The following LPL variants were observed in gnomAD, a reference collection of about 807,000 sequenced individuals.
The protein encoded by LPL is lipoprotein lipase, also known as phospholipase A1.
LPL carries 43 observed loss-of-function variants against 52.2 expected under a neutral mutation model. That is an observed-to-expected ratio of 0.82 (90% CI 0.64 to 1.06). The LOEUF (loss-of-function observed/expected upper bound fraction) is 1.06. Among genes scored for constraint, LPL ranks in the 50% least tolerant of loss-of-function variants. LPL has a pLI of 0.00. For synonymous variants in LPL, 244 were observed against 215.6 expected (o/e 1.13, Z -1.15); for missense variants, 639 against 585.3 (o/e 1.09, Z -0.95).
At chr8:19,964,615 G>T (rs1016441844) in intron 9 of LPL, among the ~76,000 whole-genome samples, 2 of 152,010 alleles carry the variant, frequency 1.3e-5, no homozygotes, top group East Asian at 3.9e-4. Context: ...ATGCAACTCT[G>T]CCTCCCGGGT....
At chr8:19,943,483 TA>T (rs1359816971) in intron 1 of LPL, among the ~76,000 whole-genome samples, 1 of 152,200 alleles carries the variant, frequency 6.6e-6, no homozygotes, top group Admixed American at 6.5e-5. Flanking sequence ...CTCCCTCCAA[TA>T]AAACAATTGT....
At chr8:19,949,981 G>A (rs1275884175) in intron 2 of LPL, among the ~76,000 whole-genome samples, 1 of 152,182 alleles carries the variant, frequency 6.6e-6, no homozygotes, top group Non-Finnish European at 1.5e-5. Context: ...ATACTAAGAT[G>A]ACATGACCAA....
intron 1 of LPL, among the ~76,000 whole-genome samples, chr8:19,941,674 C>G (rs1219685577): frequency 6.6e-6 from 1 of 152,218 alleles, no homozygotes; most frequent in African/African-American, 2.4e-5. Flanking sequence ...CCCAATATAT[C>G]ATGCCTCTCC....
At position 19,939,770 on chromosome 8, in the gene LPL, C is replaced by A. The variant is rs550090154; in HGVS notation, c.88+242C>A. Among the ~76,000 whole-genome samples the A allele has an allele frequency of 3.3e-5, 5 of 152,328 alleles. No individual in the cohort carries two copies. Among genetic ancestry groups the A allele is most frequent in the Admixed American group, 3.3e-4 (5 of 15,308 alleles). ...CCGCTTTTTCTCTCTGCCGGGTTCC[C>A]GCGCTATCCCTTCCACTCTGGCTGG... On this transcript the variant is annotated intron_variant, in intron 1 of 9. Transcript: ENST00000650287. This position sits in a 1 kb window ranked among gnomAD's most constrained non-coding sequence, Gnocchi z 4.0.
In LPL at chr8:19,944,476, G is replaced by T. The variant is rs2069866815; in HGVS notation, c.89-3704G>T. The stretch of plus-strand genomic sequence containing the variant: ...GGGAGAGAGAGAGAAAGGGGTGGGG[G>T]GATAACAGGAGAACAGAAATTCCAA... On this transcript the variant is annotated intron_variant, in intron 1 of 9. Coordinates refer to ENST00000650287, the MANE Select transcript of LPL (RefSeq NM_000237.3). This position sits in a 1 kb window ranked among gnomAD's most constrained non-coding sequence, Gnocchi z 4.2. Among the ~76,000 whole-genome samples the T allele has an allele frequency of 7.7e-6, 1 of 129,782 alleles. No homozygotes were observed. The highest frequency in any genetic ancestry group is 8.3e-5 in the Admixed American group (1 of 12,116). The allele number at this position is 129,782 out of a possible 152,430, so 85.1% of individuals were successfully genotyped here. A position where few individuals can be genotyped will look rare whatever the true frequency, so the allele number is the denominator to read the frequency against.
chr8:19,953,326 C>G lies in LPL; in HGVS notation c.446C>G (p.Pro149Arg), dbSNP rs2069951250. 2 of 1,612,484 alleles carry G rather than the reference C, an allele frequency of 1.2e-6. No individual in the cohort carries two copies. The highest frequency in any genetic ancestry group is 1.7e-6 in the Non-Finnish European group (2 of 1,178,532). ...CTTCCAAAGGAGGAGTTTAACTACC[C>G]TCTGGACAATGTCCATCTCTTGGGA... ...INWMEEEFNY[P>R]LDNVHLLGYS... is the part of the protein sequence containing the mutation. The change falls in exon 4 of 10, where the codon CCT becomes CGT. Residue 149 changes from proline (P) to arginine (R), a missense_variant. Coordinates refer to ENST00000650287, the MANE Select transcript of LPL (RefSeq NM_000237.3).
intron 6 of LPL, 109 bp from the exon 7 acceptor site, chr8:19,959,151 C>A (rs908973516): frequency 7.3e-7 from 1 of 1,365,114 alleles, no homozygotes. Flanking sequence ...TGTGCACTTC[C>A]GGTTTGAGTG....
chr8:19,947,483 T>G (rs2128836802), intron 1 of LPL, among the ~76,000 whole-genome samples: 1 of 151,916 alleles, frequency 6.6e-6, no homozygotes, highest in South Asian at 2.1e-4. Context: ...CTACAAGAAA[T>G]ACAAGTTAGC....
intron 2 of LPL, among the ~76,000 whole-genome samples, chr8:19,949,812 G>T (rs1446705239): frequency 6.6e-6 from 1 of 152,208 alleles, no homozygotes; most frequent in Non-Finnish European, 1.5e-5. Flanking sequence ...AGGCCCTTTG[G>T]TTATATACAG....
At chr8:19,961,160 C>A in intron 8 of LPL, 77 bp downstream of exon 8, 1 of 1,291,200 alleles carries the variant, frequency 7.7e-7, no homozygotes, top group South Asian at 1.2e-5. Context: ...TTTCAGGGGC[C>A]TTCACAATTC....
At chr8:19,962,329 T>C (rs553987788) in intron 9 of LPL, 110 bp downstream of exon 9, 56 of 799,154 alleles carry the variant, frequency 7.0e-5, no homozygotes, top group Non-Finnish European at 1.0e-4. Context: ...CTGACTCATG[T>C]GATCAAAGCA....
At chr8:19,942,399 G>C (rs2069848598) in intron 1 of LPL, among the ~76,000 whole-genome samples, 1 of 152,178 alleles carries the variant, frequency 6.6e-6, no homozygotes. Flanking sequence ...AAGTATTCAA[G>C]ACATGAGTAT....
At position 19,961,023 on chromosome 8, in the gene LPL, G is replaced by A; in HGVS notation, c.1262G>A (p.Trp421Ter). The change falls in exon 8 of 10, where the codon TGG becomes TAG. Residue 421 changes from tryptophan (W) to a stop codon, truncating the protein, a stop_gained. Coordinates refer to ENST00000650287, the MANE Select transcript of LPL (RefSeq NM_000237.3). LOFTEE classifies it high-confidence loss of function. Reference protein sequence around the residue: ...SDSYFSWSDWWSSPGFAIQKI... With the variant: ...SDSYFSWSDW ...TCATACTTTAGCTGGTCAGACTGGTGGAGCAGTCCCGGCTTCGCCATTCAG... is the reference window on the plus strand; with the variant it reads ...TCATACTTTAGCTGGTCAGACTGGTAGAGCAGTCCCGGCTTCGCCATTCAG... 3.1e-6 allele frequency: 5 copies of A among 1,614,138 alleles called. No individual in the cohort carries two copies. The highest frequency in any genetic ancestry group is 4.2e-6 in the Non-Finnish European group (5 of 1,180,012).
chr8:19,962,344 A>G (rs2070047507), intron 9 of LPL, 125 bp downstream of exon 9: 2 of 751,752 alleles, frequency 2.7e-6, no homozygotes, highest in South Asian at 1.4e-5. Flanking sequence ...AAAGCATTCA[A>G]TCAGTCTTTC....
intron 9 of LPL, among the ~76,000 whole-genome samples, chr8:19,962,933 T>C (rs528778853): frequency 7.0e-4 from 107 of 152,334 alleles, no homozygotes; most frequent in African/African-American, 2.3e-3. Flanking sequence ...ACTCCTGTTC[T>C]GAATTCCAGG....
At chr8:19,955,331 G>T (rs1014004400) in intron 5 of LPL, among the ~76,000 whole-genome samples, 3 of 152,046 alleles carry the variant, frequency 2.0e-5, no homozygotes, top group Non-Finnish European at 2.9e-5. Flanking sequence ...TTTACAATTG[G>T]GCTGTAACAC....
At chr8:19,954,568 C>A (rs1001544991) in intron 5 of LPL, among the ~76,000 whole-genome samples, 1 of 152,156 alleles carries the variant, frequency 6.6e-6, no homozygotes, top group African/African-American at 2.4e-5. Flanking sequence ...CTACACTGAG[C>A]AGTGCACTTA....
At chr8:19,943,414 A>G (rs1480153476) in intron 1 of LPL, among the ~76,000 whole-genome samples, 1 of 152,232 alleles carries the variant, frequency 6.6e-6, no homozygotes, top group African/African-American at 2.4e-5. Flanking sequence ...GAAAAACAGT[A>G]TAGGAGTTAG....
At chr8:19,955,537 TA>T (rs2069976201) in intron 5 of LPL, among the ~76,000 whole-genome samples, 1 of 152,096 alleles carries the variant, frequency 6.6e-6, no homozygotes, top group South Asian at 2.1e-4. Flanking sequence ...AAGGATGAGA[TA>T]AACAAGGAAA....
Sources: allele counts gnomAD v4.1 joint callset (sites outside exome capture counted in the v4.1 genomes callset), GRCh38; gene constraint gnomAD v4.1.1; non-coding constraint Gnocchi (gnomAD v3.1); transcripts MANE v1.5; gene names NCBI Gene and HGNC (gene_info 2026-07-23, HGNC 2026-07-21).